Variants in TRIM35 observed in about 807,000 individuals in gnomAD.
The protein encoded by TRIM35 is E3 ubiquitin-protein ligase TRIM35.
Under a neutral mutation model 49.1 loss-of-function variants are expected in TRIM35, and 37 were observed. That is an observed-to-expected ratio of 0.75 (90% confidence interval 0.58 to 0.99). The LOEUF is 0.99. TRIM35 is among the 50% of genes least tolerant of loss of function. TRIM35 has a pLI of 0.00. For synonymous variants in TRIM35, 302 were observed against 289.3 expected (o/e 1.04, Z -0.45); for missense variants, 648 against 702.7 (o/e 0.92, Z 0.88).
chr8:27,306,189 G>C (rs1028955817), intron 1 of TRIM35, among the ~76,000 whole-genome samples: 2 of 152,166 alleles, frequency 1.3e-5, no homozygotes, highest in African/African-American at 2.4e-5. Context: ...CGCACGGTCT[G>C]TGTCTGAGGA....
In TRIM35 at chr8:27,287,423, G is replaced by A. The variant is rs936203254; in HGVS notation, c.*127C>T. 1.3e-5 allele frequency: 13 copies of A among 1,022,142 alleles called. No individual in the cohort carries two copies. The highest frequency in any genetic ancestry group is 1.8e-5 in the Non-Finnish European group (13 of 710,850). The allele number at this position is 1,022,142 out of a possible 1,614,324, so 63.3% of individuals were successfully genotyped here. Reference sequence around the variant, plus strand: ...AGCCTGGAGTCATGGAAAAGGACCAGGCAGGACAGGAGGAAGAGCCTGGCA... The same window carrying A: ...AGCCTGGAGTCATGGAAAAGGACCAAGCAGGACAGGAGGAAGAGCCTGGCA... On this transcript the variant is annotated 3_prime_UTR_variant, in exon 6 of 6. Transcript: ENST00000305364. This position sits in a 1 kb window ranked among gnomAD's most constrained non-coding sequence, Gnocchi z 6.0.
chr8:27,309,507 CA>C (rs1269849338), intron 1 of TRIM35, among the ~76,000 whole-genome samples: 1 of 151,904 alleles, frequency 6.6e-6, no homozygotes, highest in Non-Finnish European at 1.5e-5. Flanking sequence ...AAAGGTATTG[CA>C]AAAAAAGAAG....
At chr8:27,304,597 T>C (rs1432270722) in intron 1 of TRIM35, among the ~76,000 whole-genome samples, 4 of 152,234 alleles carry the variant, frequency 2.6e-5, no homozygotes, top group Admixed American at 1.3e-4. Context: ...CTACCTTGCA[T>C]AGTGGTGCTC....
At chr8:27,288,636 TGA>T (rs1474766821) in intron 5 of TRIM35, among the ~76,000 whole-genome samples, 1 of 152,204 alleles carries the variant, frequency 6.6e-6, no homozygotes, top group Non-Finnish European at 1.5e-5. Context: ...TCCAGAACTG[TGA>T]GAGAGTCAAC....
rs781291466 is a variant in TRIM35 at position 27,288,044 on chromosome 8, G to A, written c.988C>T (p.Arg330Cys). 13 of 1,613,502 alleles carry A rather than the reference G, an allele frequency of 8.1e-6. No homozygotes were observed. In the Admixed American group the frequency reaches 8.3e-5, roughly 10 times the overall value. Residue 330 changes from arginine (R) to cysteine (C), a missense_variant, in exon 6 of 6, where the codon CGC (arginine) becomes TGC (cysteine). Physicochemically the swap from Arg to Cys is radical, Grantham distance 180. Coordinates refer to ENST00000305364, the MANE Select transcript of TRIM35 (RefSeq NM_171982.5). ...CGTTCCGGGTTCTCCACCTGCACGC[G>A]GTAGCCATGGTTGGTGACGCTGGTG... The part of the protein sequence containing the change: ...DLTSVTNHGY[R>C]VQVENPERFS...
intron 5 of TRIM35, among the ~76,000 whole-genome samples, chr8:27,288,365 CATATT>C (rs946570406): frequency 3.9e-5 from 6 of 152,072 alleles, no homozygotes; most frequent in African/African-American, 1.4e-4. Context: ...TGGTTGTACA[CATATT>C]AGTTAAGATG....
chr8:27,294,478 C>T (rs779085029), intron 2 of TRIM35, among the ~76,000 whole-genome samples, 168 bp from the exon 3 acceptor site: 11 of 152,214 alleles, frequency 7.2e-5, no homozygotes, highest in Non-Finnish European at 1.6e-4. Context: ...TTTCTAAGTT[C>T]CGATTTCAAA....
chr8:27,289,725 C>T (rs1802413093), intron 4 of TRIM35, among the ~76,000 whole-genome samples: 1 of 152,212 alleles, frequency 6.6e-6, no homozygotes, highest in South Asian at 2.1e-4. Flanking sequence ...TCTATTCCAT[C>T]TTTGCACAGC....
chr8:27,285,666 T>TAAAAAAAAAAAAAAA lies in TRIM35; in HGVS notation c.*1869_*1883dup, dbSNP rs34388696. On this transcript the variant is annotated 3_prime_UTR_variant, in exon 6 of 6. Transcript: ENST00000305364. ...GCCTAGCCTGCTCAAGTTATCCTGT[T>TAAAAAAAAAAAAAAA]AAAAAAAAAAAAAAAAAAAAAACTC... The TAAAAAAAAAAAAAAA allele has an allele frequency of 9.7e-6, 1 of 102,738 alleles. No homozygotes were observed. The allele number at this position is 102,738 out of a possible 1,614,324, so 6.4% of individuals were successfully genotyped here.
intron 2 of TRIM35, among the ~76,000 whole-genome samples, chr8:27,297,408 G>A (rs562980521): frequency 5.9e-5 from 9 of 152,336 alleles, no homozygotes; most frequent in African/African-American, 2.2e-4. Context: ...GAGGAAGAGA[G>A]GGTGCCAGGC....
At chr8:27,307,453 C>A (rs992792518) in intron 1 of TRIM35, among the ~76,000 whole-genome samples, 1 of 152,156 alleles carries the variant, frequency 6.6e-6, no homozygotes, top group Non-Finnish European at 1.5e-5. Context: ...CTCCCCCTTA[C>A]AATCTCCCAC....
chr8:27,289,101 T>A, intron 5 of TRIM35, 61 bp downstream of exon 5: 1 of 1,429,148 alleles, frequency 7.0e-7, no homozygotes, highest in Admixed American at 1.7e-5. Context: ...CCCTGGTGCC[T>A]CTTTGCTAAC....
intron 3 of TRIM35, among the ~76,000 whole-genome samples, chr8:27,291,724 A>G (rs1802458570): frequency 1.3e-5 from 2 of 152,208 alleles, no homozygotes; most frequent in African/African-American, 4.8e-5. Flanking sequence ...ACAATAGTTT[A>G]TTTCACTCGT....
Position 27,288,034 on chromosome 8 carries a change from A to C in TRIM35, c.998T>G (p.Val333Gly). The change falls in exon 6 of 6, where the codon GTG (valine) becomes GGG (glycine). Residue 333 changes from valine to glycine, a missense_variant. Transcript: ENST00000305364. ...SVTNHGYRVQVENPERFSSAP... is the reference protein window; with the variant it reads ...SVTNHGYRVQGENPERFSSAP... The stretch of plus-strand genomic sequence containing the variant: ...CGAGGAGAAGCGTTCCGGGTTCTCC[A>C]CCTGCACGCGGTAGCCATGGTTGGT... 1 of 1,613,594 alleles carries C rather than the reference A, an allele frequency of 6.2e-7. No homozygotes were observed. Among genetic ancestry groups the C allele is most frequent in the Non-Finnish European group, 8.5e-7 (1 of 1,180,016 alleles).
At chr8:27,290,929 T>C (rs1356124477) in intron 3 of TRIM35, among the ~76,000 whole-genome samples, 1 of 151,984 alleles carries the variant, frequency 6.6e-6, no homozygotes, top group African/African-American at 2.4e-5. Context: ...ATCAATGGAA[T>C]AGAATTGAAA....
Position 27,298,379 on chromosome 8 carries a change from A to T in TRIM35, c.531+85T>A, listed in dbSNP as rs900353423. 5.7e-5 allele frequency: 79 copies of T among 1,378,386 alleles called. No homozygotes were observed. In the African/African-American group the frequency reaches 9.5e-4, roughly 17 times the overall value. The allele number at this position is 1,378,386 out of a possible 1,614,324, so 85.4% of individuals were successfully genotyped here. On this transcript the variant is annotated intron_variant, in intron 2 of 5. Coordinates refer to ENST00000305364, the MANE Select transcript of TRIM35 (RefSeq NM_171982.5). ...CTCTACCCAGCGGGTTATGTGAGCC[A>T]AAGCCACGGCTGACACATCTTCACT...
At position 27,294,307 on chromosome 8, in the gene TRIM35, C is replaced by T. The variant is rs1423633502; in HGVS notation, c.535G>A (p.Glu179Lys). The change falls in exon 3 of 6, where the codon GAG (glutamate) becomes AAG (lysine). Residue 179 changes from glutamate (E) to lysine (K), a missense_variant. Transcript: ENST00000305364. The part of the protein sequence containing the change: ...YEAIAKHNQV[E>K]AAWLEGRIRQ... Reference sequence around the variant, plus strand: ...ATCCGGCCTTCCAGCCATGCAGCCTCCACCTACGGAAGACAGCAGGAGGAG... The same window carrying T: ...ATCCGGCCTTCCAGCCATGCAGCCTTCACCTACGGAAGACAGCAGGAGGAG... The T allele has an allele frequency of 6.2e-7, 1 of 1,613,142 alleles. No individual in the cohort carries two copies. The highest frequency in any genetic ancestry group is 1.3e-5 in the African/African-American group (1 of 74,948).
At chr8:27,289,034 C>G (rs1484936165) in intron 5 of TRIM35, 128 bp downstream of exon 5, 3 of 684,828 alleles carry the variant, frequency 4.4e-6, no homozygotes, top group Admixed American at 4.8e-5. Flanking sequence ...GCAGAGGGAT[C>G]AGCTGAGAGA....
chr8:27,295,874 G>C (rs2130282427), intron 2 of TRIM35, among the ~76,000 whole-genome samples: 1 of 152,094 alleles, frequency 6.6e-6, no homozygotes, highest in South Asian at 2.1e-4. Flanking sequence ...TGACAAACTA[G>C]GAAATATATT....
Sources: gnomAD v4.1 joint callset for allele counts (sites outside exome capture counted in the v4.1 genomes callset) on GRCh38, gnomAD v4.1.1 for gene constraint, Gnocchi (gnomAD v3.1) non-coding constraint, MANE v1.5 for transcripts, NCBI Gene and HGNC (gene_info 2026-07-23, HGNC 2026-07-21) for gene names.